GALNT2: variants seen among roughly 807,000 people sequenced by gnomAD.
GALNT2 encodes UDP-GalNAc:polypeptide N-acetylgalactosaminyltransferase 2.
Under a neutral mutation model 81.4 loss-of-function variants are expected in GALNT2, and 31 were observed. That is an observed-to-expected ratio of 0.38 (90% confidence interval 0.29 to 0.51). The LOEUF (loss-of-function observed/expected upper bound fraction) is 0.51. Ranked by LOEUF, GALNT2 falls within the 20% of genes least tolerant of loss-of-function variation. The pLI is 0.87. For missense variants in GALNT2, 629 were observed against 765.7 expected, an observed-to-expected ratio of 0.82 and a Z score of 2.11; for synonymous variants, 303 against 287.4, an observed-to-expected ratio of 1.05 and a Z score of -0.55.
chr1:230,211,843 G>T (rs1296321932), intron 3 of GALNT2, among the ~76,000 whole-genome samples: 2 of 152,176 alleles, frequency 1.3e-5, no homozygotes, highest in South Asian at 4.1e-4. Flanking sequence ...TACTTCTGAT[G>T]ATGTCGTATA....
chr1:230,067,193 G>T, upstream of GALNT2: 1 of 804,288 alleles, frequency 1.2e-6, no homozygotes. Flanking sequence ...CCCTTCCTCC[G>T]CTCCTCCCCC....
chr1:230,114,500 TAGG>T lies in GALNT2; in HGVS notation c.126+47098_126+47100del, dbSNP rs551936998. ...AAGATATTTCTAAGTTGTAGTGAGGTAGGAGGGATTCTCAGCGAGAGGAGGGGC... is the reference window on the plus strand; with the variant it reads ...AAGATATTTCTAAGTTGTAGTGAGGTAGGGATTCTCAGCGAGAGGAGGGGC... On this transcript the variant is annotated intron_variant, in intron 1 of 15. Transcript: ENST00000366672. Among the ~76,000 whole-genome samples, 25 of 152,228 alleles carry T rather than the reference TAGG, an allele frequency of 1.6e-4. No homozygotes were observed. The East Asian group carries it at 4.8e-3, about 29-fold the overall frequency.
intron 1 of GALNT2, among the ~76,000 whole-genome samples, chr1:230,135,351 T>A (rs1035687026): frequency 9.2e-5 from 14 of 152,210 alleles, no homozygotes; most frequent in Admixed American, 3.9e-4. Context: ...ATTTTCTCTT[T>A]GTAATTCTAC....
rs569696325 is a variant in GALNT2 at position 230,267,133 on chromosome 1, T to C, written c.1440+1766T>C. Among the ~76,000 whole-genome samples, 5 of 152,382 alleles carry C rather than the reference T, an allele frequency of 3.3e-5. No homozygotes were observed. In the South Asian group the frequency reaches 1.0e-3, roughly 32 times the overall value. ...CCTAGACTCATGTGCTGCTTCTTTC[T>C]TCTTTTTCTGTTACTCAGATGCAGA... On this transcript the variant is annotated intron_variant, in intron 14 of 15. Coordinates refer to ENST00000366672, the MANE Select transcript of GALNT2 (RefSeq NM_004481.5).
intron 1 of GALNT2, among the ~76,000 whole-genome samples, chr1:230,129,542 G>A (rs2102811220): frequency 6.6e-6 from 1 of 152,122 alleles, no homozygotes; most frequent in South Asian, 2.1e-4. Context: ...CTGGTCTTGA[G>A]CTTCTGACCT....
At chr1:230,192,588 A>T (rs1663564024) in intron 2 of GALNT2, among the ~76,000 whole-genome samples, 1 of 152,248 alleles carries the variant, frequency 6.6e-6, no homozygotes, top group African/African-American at 2.4e-5. Flanking sequence ...AAGAATTTTC[A>T]TTTCAAATTT....
chr1:230,235,896 C>G (rs1244220404), intron 3 of GALNT2, 118 bp from the exon 4 acceptor site: 1 of 813,032 alleles, frequency 1.2e-6, no homozygotes, highest in Non-Finnish European at 2.0e-6. Context: ...CTGCAGATAA[C>G]AAGTTAATCA....
chr1:230,161,876 A>C (rs923670202), intron 1 of GALNT2, among the ~76,000 whole-genome samples: 1 of 152,188 alleles, frequency 6.6e-6, no homozygotes, highest in African/African-American at 2.4e-5. Context: ...TAAAAATTCA[A>C]CTTGACCACA....
intron 1 of GALNT2, among the ~76,000 whole-genome samples, chr1:230,133,602 C>A (rs558224978): frequency 6.1e-4 from 92 of 152,016 alleles, no homozygotes; most frequent in African/African-American, 2.1e-3. Context: ...TATAGGCGCC[C>A]GCCACCGCGC....
intron 1 of GALNT2, among the ~76,000 whole-genome samples, chr1:230,094,615 G>A (rs1447020370): frequency 1.3e-5 from 2 of 152,160 alleles, no homozygotes; most frequent in Non-Finnish European, 2.9e-5. Context: ...TCCAGCCTGG[G>A]CAACAAGAAT....
At chr1:230,263,082 A>G (rs1186072961) in intron 13 of GALNT2, 77 bp downstream of exon 13, 16 of 1,225,462 alleles carry the variant, frequency 1.3e-5, no homozygotes, top group Non-Finnish European at 1.9e-5. Flanking sequence ...GCAGAGGGGA[A>G]ATGGAGGTGG....
In GALNT2 at chr1:230,075,036, C is replaced by T. The variant is rs7534021; in HGVS notation, c.126+7630C>T. ...TTGCATTGGCAGTGCCCTCATACTGCGGCCTCATTTGGAAAGTTCCTGGAA... is the reference window on the plus strand; with the variant it reads ...TTGCATTGGCAGTGCCCTCATACTGTGGCCTCATTTGGAAAGTTCCTGGAA... On this transcript the variant is annotated intron_variant, in intron 1 of 15. Coordinates refer to ENST00000366672, the MANE Select transcript of GALNT2 (RefSeq NM_004481.5). Among the ~76,000 whole-genome samples the T allele has an allele frequency of 3.1e-3, 454 of 146,318 alleles. 3 individuals carry two copies. The highest frequency in any genetic ancestry group is 0.01 in the African/African-American group (404 of 39,762).
intron 2 of GALNT2, among the ~76,000 whole-genome samples, chr1:230,199,875 C>T (rs1029313819): frequency 5.3e-5 from 8 of 152,100 alleles, no homozygotes; most frequent in African/African-American, 1.9e-4. Flanking sequence ...GTTTCAAGGG[C>T]TTCTCCAAGT....
intron 3 of GALNT2, among the ~76,000 whole-genome samples, chr1:230,230,416 A>G (rs1664835113): frequency 6.6e-6 from 1 of 152,164 alleles, no homozygotes; most frequent in African/African-American, 2.4e-5. Flanking sequence ...GAGTTTTTCC[A>G]CGGGAACCTG....
rs183129831 is a variant in GALNT2 at position 230,245,215 on chromosome 1, G to A, written c.730-848G>A. On this transcript the variant is annotated intron_variant, in intron 7 of 15. Coordinates refer to ENST00000366672, the MANE Select transcript of GALNT2 (RefSeq NM_004481.5). ...GCAGTGGCTCACGCCTGTAATCCCA[G>A]CACTTTGGGAGGCCGAGGCAGGCAG... 2.8e-3 allele frequency among the ~76,000 whole-genome samples: 425 copies of A among 152,100 alleles called. 5 individuals carry two copies. Among genetic ancestry groups the A allele is most frequent in the African/African-American group, 9.9e-3 (412 of 41,448 alleles).
At chr1:230,121,754 G>A (rs891061744) in intron 1 of GALNT2, among the ~76,000 whole-genome samples, 2 of 152,054 alleles carry the variant, frequency 1.3e-5, no homozygotes, top group African/African-American at 2.4e-5. Context: ...GAGGATGAGT[G>A]CTTTTGCATA....
intron 1 of GALNT2, among the ~76,000 whole-genome samples, chr1:230,140,930 C>T (rs773320168): frequency 1.3e-5 from 2 of 152,196 alleles, no homozygotes; most frequent in African/African-American, 4.8e-5. Context: ...GATACGTATC[C>T]TTTCTAGTTC....
chr1:230,093,530 T>G (rs1320057885), intron 1 of GALNT2, among the ~76,000 whole-genome samples: 1 of 152,188 alleles, frequency 6.6e-6, no homozygotes, highest in Non-Finnish European at 1.5e-5. Flanking sequence ...TCCTGCTGCT[T>G]CACTCCTGGG....
intron 6 of GALNT2, among the ~76,000 whole-genome samples, chr1:230,242,412 C>G (rs981312708): frequency 1.3e-5 from 2 of 152,184 alleles, no homozygotes; most frequent in African/African-American, 4.8e-5. Flanking sequence ...AAGTACTTAG[C>G]AGACTTGTCC....
Sources: gnomAD v4.1 joint callset for allele counts (sites outside exome capture counted in the v4.1 genomes callset) on GRCh38, gnomAD v4.1.1 for gene constraint, MANE v1.5 for transcripts, NCBI Gene and HGNC (gene_info 2026-07-23, HGNC 2026-07-21) for gene names.